RETREG1: variants seen among roughly 807,000 people sequenced by gnomAD.
RETREG1 encodes family with sequence similarity 134 member B.
RETREG1 carries 44 observed loss-of-function variants against 54.8 expected under a neutral mutation model. The ratio of observed to expected loss-of-function variants is 0.80; its 90% CI spans 0.63 to 1.03. The LOEUF is 1.03. Ranked by LOEUF, RETREG1 falls within the 50% of genes least tolerant of loss-of-function variation. The probability of loss-of-function intolerance (pLI) is 0.00; values close to 1 mark genes in which losing one functional copy is unlikely to be tolerated. For synonymous variants in RETREG1, 217 were observed against 238.5 expected (o/e 0.91, Z 0.83); for missense variants, 554 against 605.1 (o/e 0.92, Z 0.89).
chr5:16,543,393 G>T (rs1420610764), intron 3 of RETREG1, among the ~76,000 whole-genome samples: 2 of 152,192 alleles, frequency 1.3e-5, no homozygotes, highest in East Asian at 3.9e-4. Context: ...CTGCTAAACT[G>T]GGCCAGGCAA....
At chr5:16,488,973 C>T (rs969551855) in intron 3 of RETREG1, among the ~76,000 whole-genome samples, 1 of 151,316 alleles carries the variant, frequency 6.6e-6, no homozygotes, top group Non-Finnish European at 1.5e-5. Flanking sequence ...GTCCCAGCTA[C>T]TCAGGAGGCT....
intron 3 of RETREG1, among the ~76,000 whole-genome samples, chr5:16,542,456 T>C (rs1741276975): frequency 6.6e-6 from 1 of 151,260 alleles, no homozygotes; most frequent in Non-Finnish European, 1.5e-5. Flanking sequence ...AGAACCTGTT[T>C]TCCTCCAACC....
intron 1 of RETREG1, among the ~76,000 whole-genome samples, chr5:16,604,488 G>A (rs1272107167): frequency 3.3e-5 from 5 of 152,194 alleles, no homozygotes; most frequent in South Asian, 2.1e-4. Context: ...AGTGTGCCAC[G>A]AAATTGTCAA....
At chr5:16,516,633 G>A (rs1740364992) in intron 3 of RETREG1, among the ~76,000 whole-genome samples, 1 of 152,196 alleles carries the variant, frequency 6.6e-6, no homozygotes, top group Non-Finnish European at 1.5e-5. Context: ...GGCCAGGTCT[G>A]TGAATTCACC....
chr5:16,614,988 G>A (rs962714403), intron 1 of RETREG1, among the ~76,000 whole-genome samples: 1 of 152,170 alleles, frequency 6.6e-6, no homozygotes, highest in African/African-American at 2.4e-5. Context: ...GAAACTGGGC[G>A]GCCAGGGACT....
At chr5:16,546,453 C>T (rs942443710) in intron 3 of RETREG1, among the ~76,000 whole-genome samples, 2 of 152,204 alleles carry the variant, frequency 1.3e-5, no homozygotes, top group Non-Finnish European at 2.9e-5. Flanking sequence ...CAGGCACGAG[C>T]CAATGCACTG....
chr5:16,577,545 C>T (rs573836798), intron 1 of RETREG1, among the ~76,000 whole-genome samples: 17 of 152,074 alleles, frequency 1.1e-4, no homozygotes, highest in Non-Finnish European at 2.1e-4. Context: ...AGAGGTGGAG[C>T]TCGTCGGAAA....
At chr5:16,535,663 CAAA>C (rs1741046475) in intron 3 of RETREG1, among the ~76,000 whole-genome samples, 2 of 125,728 alleles carry the variant, frequency 1.6e-5, no homozygotes, top group African/African-American at 3.2e-5. Flanking sequence ...GCTGCCTTCA[CAAA>C]GTGGGAGCTG....
chr5:16,607,572 C>A (rs1267100152), intron 1 of RETREG1, among the ~76,000 whole-genome samples: 2 of 151,974 alleles, frequency 1.3e-5, no homozygotes, highest in African/African-American at 4.8e-5. Context: ...CAAGATCACA[C>A]CACTGCACTC....
intron 1 of RETREG1, among the ~76,000 whole-genome samples, chr5:16,583,799 A>AT (rs548058017): frequency 1.4e-3 from 220 of 151,964 alleles, no homozygotes; most frequent in African/African-American, 5.0e-3. Flanking sequence ...GCTAAAACAT[A>AT]TTTTTTTTGT....
chr5:16,522,581 T>C (rs145968080), intron 3 of RETREG1, among the ~76,000 whole-genome samples: 1 of 152,332 alleles, frequency 6.6e-6, no homozygotes, highest in African/African-American at 2.4e-5. Flanking sequence ...CTGGATCCAG[T>C]AAGACTTTCA....
At chr5:16,508,938 C>G in intron 3 of RETREG1, 1 of 1,178,582 alleles carries the variant, frequency 8.5e-7, no homozygotes, top group Non-Finnish European at 1.1e-6. Flanking sequence ...CCAGCTGCCC[C>G]GCATTCTCTC....
chr5:16,532,414 A>G (rs990771829), intron 3 of RETREG1, among the ~76,000 whole-genome samples: 1 of 152,126 alleles, frequency 6.6e-6, no homozygotes, highest in African/African-American at 2.4e-5. Flanking sequence ...AATCCCAGCT[A>G]CTCGGGAAGC....
In RETREG1 at chr5:16,511,670, C is replaced by A. The variant is rs528734856; in HGVS notation, c.459-28198G>T. Among the ~76,000 whole-genome samples, 12 of 152,138 alleles carry A rather than the reference C, an allele frequency of 7.9e-5. No homozygotes were observed. In the South Asian group the frequency reaches 2.5e-3, roughly 32 times the overall value. On this transcript the variant is annotated intron_variant, in intron 3 of 8. Coordinates refer to ENST00000306320, the MANE Select transcript of RETREG1 (RefSeq NM_001034850.3). ...GCCCCGTATTACTATAAAGAAATAC[C>A]TAAGACTGGGTAATTTATAAAGAAA...
intron 3 of RETREG1, among the ~76,000 whole-genome samples, chr5:16,546,254 A>G (rs1405206653): frequency 6.6e-6 from 1 of 152,038 alleles, no homozygotes; most frequent in East Asian, 1.9e-4. Flanking sequence ...TGCAGCCTCA[A>G]ATTCCTGGGC....
intron 1 of RETREG1, among the ~76,000 whole-genome samples, chr5:16,601,911 G>A (rs529238426): frequency 6.6e-6 from 1 of 152,140 alleles, no homozygotes; most frequent in Non-Finnish European, 1.5e-5. Flanking sequence ...CAGGCCTTTC[G>A]CCAGCTCAAG....
At position 16,520,682 on chromosome 5, in the gene RETREG1, T is replaced by C. The variant is rs74500248; in HGVS notation, c.459-37210A>G. ...TGCTGCTATTAGGATGGTGCAAATG[T>C]AATTGTGGTTTTTGCAGTTAAAATT... On this transcript the variant is annotated intron_variant, in intron 3 of 8. Transcript: ENST00000306320. Among the ~76,000 whole-genome samples, 18 of 152,346 alleles carry C rather than the reference T, an allele frequency of 1.2e-4. No individual in the cohort carries two copies. The East Asian group carries it at 3.1e-3, about 26-fold the overall frequency.
intron 2 of RETREG1, among the ~76,000 whole-genome samples, chr5:16,571,039 T>C (rs1047203900): frequency 5.9e-5 from 9 of 152,122 alleles, no homozygotes; most frequent in South Asian, 4.1e-4. Flanking sequence ...CTAAAGATGG[T>C]TTACATGATG....
intron 3 of RETREG1, among the ~76,000 whole-genome samples, chr5:16,552,771 G>A (rs7705650): frequency 0.38 from 57,063 of 152,082 alleles, 10,854 homozygotes; most frequent in South Asian, 0.47. Flanking sequence ...ACCTTTCATC[G>A]GACTTTCTTC....
Sources: gnomAD v4.1 joint callset for allele counts (sites outside exome capture counted in the v4.1 genomes callset) on GRCh38, gnomAD v4.1.1 for gene constraint, MANE v1.5 for transcripts, NCBI Gene and HGNC (gene_info 2026-07-23, HGNC 2026-07-21) for gene names.